The following DPYD variants were observed in gnomAD, a reference collection of about 807,000 sequenced individuals.
The protein encoded by DPYD is dihydropyrimidine dehydrogenase.
DPYD carries 109 observed loss-of-function variants against 116.2 expected under a neutral mutation model. The observed-to-expected ratio is 0.94, with a 90% CI of 0.80 to 1.10. The LOEUF (loss-of-function observed/expected upper bound fraction) is 1.10, where lower values mean the gene tolerates loss of function less well. Among genes scored for constraint, DPYD ranks in the 50% least tolerant of loss-of-function variants. The probability of loss-of-function intolerance (pLI) is 0.00; values close to 1 mark genes in which losing one functional copy is unlikely to be tolerated. For missense variants in DPYD, 1,302 were observed against 1,254.5 expected (o/e 1.04, Z -0.57); for synonymous variants, 440 against 432.0 (o/e 1.02, Z -0.23).
Position 97,828,044 on chromosome 1 carries a change from T to C in DPYD, c.233+70A>G. 5 of 1,433,376 alleles carry C rather than the reference T, an allele frequency of 3.5e-6. No individual in the cohort carries two copies. In the South Asian group the frequency reaches 4.6e-5, roughly 13 times the overall value. The allele number at this position is 1,433,376 out of a possible 1,614,324, so 88.8% of individuals were successfully genotyped here. On this transcript the variant is annotated intron_variant, in intron 3 of 22. Transcript: ENST00000370192. ...GAATGGTGGCAATGAACTCATTTGT[T>C]CCCCAAATAATGAAGAATGACTTTT...
chr1:97,892,961 T>A (rs1168850469), intron 1 of DPYD, among the ~76,000 whole-genome samples: 1 of 151,844 alleles, frequency 6.6e-6, no homozygotes, highest in Admixed American at 6.6e-5. Context: ...CTCCTTCAAC[T>A]GTAAAATGGT....
At chr1:97,529,762 TTC>T (rs147792292) in intron 12 of DPYD, among the ~76,000 whole-genome samples, 20 of 145,548 alleles carry the variant, frequency 1.4e-4, no homozygotes, top group South Asian at 8.6e-4. Context: ...CTTTCTTTCT[TTC>T]TCTTTCTTCT....
chr1:97,256,443 T>A (rs1157044326), intron 18 of DPYD, among the ~76,000 whole-genome samples: 1 of 152,056 alleles, frequency 6.6e-6, no homozygotes, highest in African/African-American at 2.4e-5. Context: ...TGGGGGTGTG[T>A]CTTTCTCATG....
intron 14 of DPYD, among the ~76,000 whole-genome samples, chr1:97,426,892 A>G (rs1224799046): frequency 6.6e-6 from 1 of 152,090 alleles, no homozygotes; most frequent in Admixed American, 6.6e-5. Flanking sequence ...ACCTTAAGCA[A>G]TGATGCATGA....
At chr1:97,859,605 T>C (rs1346470406) in intron 2 of DPYD, among the ~76,000 whole-genome samples, 4 of 152,274 alleles carry the variant, frequency 2.6e-5, no homozygotes, top group East Asian at 3.9e-4. Flanking sequence ...ACCCTATGTG[T>C]CCTTCACTAG....
At chr1:97,477,451 G>T (rs1032280850) in intron 13 of DPYD, among the ~76,000 whole-genome samples, 1 of 152,118 alleles carries the variant, frequency 6.6e-6, no homozygotes, top group Non-Finnish European at 1.5e-5. Flanking sequence ...AACTCAGTGA[G>T]AGATATGCAA....
intron 1 of DPYD, among the ~76,000 whole-genome samples, chr1:97,905,222 T>C (rs1237683100): frequency 1.3e-5 from 2 of 152,004 alleles, no homozygotes; most frequent in African/African-American, 4.8e-5. Flanking sequence ...TGTAGCATAA[T>C]TAATTCAAAA....
intron 22 of DPYD, among the ~76,000 whole-genome samples, chr1:97,080,556 G>A (rs1190268095): frequency 6.6e-6 from 1 of 152,058 alleles, no homozygotes; most frequent in Non-Finnish European, 1.5e-5. Flanking sequence ...TATAGCTATA[G>A]CAAGTCATGA....
At chr1:97,507,785 A>T (rs897688900) in intron 13 of DPYD, among the ~76,000 whole-genome samples, 1 of 152,050 alleles carries the variant, frequency 6.6e-6, no homozygotes, top group African/African-American at 2.4e-5. Flanking sequence ...CTTCCTCTCA[A>T]TTAAGATAAT....
chr1:97,318,869 A>C (rs978624813), intron 16 of DPYD, among the ~76,000 whole-genome samples: 20 of 150,114 alleles, frequency 1.3e-4, no homozygotes, highest in Admixed American at 2.0e-4. Flanking sequence ...AACAGAAATT[A>C]TAACAAACTA....
intron 1 of DPYD, among the ~76,000 whole-genome samples, chr1:97,920,548 C>A (rs370634807): frequency 3.3e-5 from 5 of 152,268 alleles, no homozygotes; most frequent in Admixed American, 6.5e-5. Flanking sequence ...ACTCCTACCC[C>A]CTAGAGTCCA....
At chr1:97,445,523 A>G (rs1316433986) in intron 14 of DPYD, among the ~76,000 whole-genome samples, 2 of 152,100 alleles carry the variant, frequency 1.3e-5, no homozygotes, top group Non-Finnish European at 2.9e-5. Flanking sequence ...TGTAACTTAG[A>G]TGTTAAGGTC....
intron 16 of DPYD, among the ~76,000 whole-genome samples, chr1:97,322,244 TAATA>T (rs1022810706): frequency 4.8e-5 from 7 of 147,282 alleles, no homozygotes; most frequent in South Asian, 2.2e-4. Flanking sequence ...TAAAAAAAAA[TAATA>T]AATAAATAAA....
intron 18 of DPYD, among the ~76,000 whole-genome samples, chr1:97,237,288 T>A (rs1662010206): frequency 6.6e-6 from 1 of 151,742 alleles, no homozygotes; most frequent in Non-Finnish European, 1.5e-5. Context: ...GGCTTTCTTT[T>A]TATCCTGTTC....
intron 18 of DPYD, among the ~76,000 whole-genome samples, chr1:97,256,900 T>C (rs1433209310): frequency 1.3e-5 from 2 of 152,204 alleles, no homozygotes; most frequent in East Asian, 3.9e-4. Context: ...GTAATACATA[T>C]CCTTGTCCAC....
chr1:97,340,119 TA>T (rs1351441851), intron 16 of DPYD, among the ~76,000 whole-genome samples: 1 of 151,556 alleles, frequency 6.6e-6, no homozygotes, highest in East Asian at 1.9e-4. Flanking sequence ...ACAAAGTAAA[TA>T]AACAGTAAAC....
At chr1:97,138,912 C>G (rs1026242608) in intron 20 of DPYD, among the ~76,000 whole-genome samples, 1 of 152,110 alleles carries the variant, frequency 6.6e-6, no homozygotes, top group South Asian at 2.1e-4. Flanking sequence ...AGTCACATGA[C>G]TGACTTGGGT....
intron 20 of DPYD, among the ~76,000 whole-genome samples, chr1:97,121,430 C>G (rs962925155): frequency 6.6e-6 from 1 of 152,118 alleles, no homozygotes. Context: ...TATCTATCCC[C>G]ATTCCAATGA....
chr1:97,699,787 A>G (rs1661492535), intron 5 of DPYD, among the ~76,000 whole-genome samples: 1 of 151,590 alleles, frequency 6.6e-6, no homozygotes, highest in Non-Finnish European at 1.5e-5. Context: ...CACATTCCCT[A>G]CTCCCACCTA....
Sources: allele counts gnomAD v4.1 joint callset (sites outside exome capture counted in the v4.1 genomes callset), GRCh38; gene constraint gnomAD v4.1.1; transcripts MANE v1.5; gene names NCBI Gene and HGNC (gene_info 2026-07-23, HGNC 2026-07-21).